Variants in MICU2 observed in about 807,000 individuals in gnomAD.
The protein encoded by MICU2 is calcium uptake protein 2, mitochondrial.
In MICU2, 64 loss-of-function variants were observed where a neutral mutation model predicts 60.4. The observed-to-expected ratio is 1.06, with a 90% CI of 0.87 to 1.31. The LOEUF (loss-of-function observed/expected upper bound fraction) is 1.31. MICU2 is among the 50% of genes most tolerant of loss of function. The pLI, the probability that MICU2 is intolerant of heterozygous loss-of-function variation, is 0.00. For synonymous variants in MICU2, 201 were observed against 175.0 expected (o/e 1.15, Z -1.17); for missense variants, 569 against 531.0 (o/e 1.07, Z -0.70).
At position 21,523,211 on chromosome 13, in the gene MICU2, G is replaced by T. The variant is rs116992408; in HGVS notation, c.467-561C>A. On this transcript the variant is annotated intron_variant, in intron 4 of 11. Coordinates refer to ENST00000382374, the MANE Select transcript of MICU2 (RefSeq NM_152726.3). ...CTGGGTCTACAGCTTGCAGATGGCA[G>T]ATCATGGGACTTCTGTACCTCCATA... Among the ~76,000 whole-genome samples the T allele has an allele frequency of 1.6e-3, 239 of 152,296 alleles. 1 individual carries two copies. The highest frequency in any genetic ancestry group is 6.8e-3 in the Middle Eastern group (2 of 294).
At chr13:21,563,123 T>C (rs1887887786) in intron 2 of MICU2, among the ~76,000 whole-genome samples, 1 of 152,200 alleles carries the variant, frequency 6.6e-6, no homozygotes, top group Admixed American at 6.5e-5. Context: ...TTTTCTTCTT[T>C]GGCTTCTTTC....
At chr13:21,525,644 G>A (rs929263862) in intron 4 of MICU2, among the ~76,000 whole-genome samples, 3 of 151,320 alleles carry the variant, frequency 2.0e-5, no homozygotes, top group Admixed American at 6.6e-5. Flanking sequence ...ATCTCATTGC[G>A]GTTTTGATTT....
At chr13:21,594,105 T>C (rs2138073033) in intron 1 of MICU2, among the ~76,000 whole-genome samples, 1 of 152,184 alleles carries the variant, frequency 6.6e-6, no homozygotes, top group Non-Finnish European at 1.5e-5. Context: ...ACTTACAGAA[T>C]GGGAGAAAAT....
intron 9 of MICU2, 88 bp from the exon 10 acceptor site, chr13:21,496,248 G>A: frequency 1.1e-6 from 1 of 933,870 alleles, no homozygotes; most frequent in Non-Finnish European, 1.6e-6. Flanking sequence ...TTCTACCGTA[G>A]AGACTAGTAT....
At chr13:21,569,369 C>T (rs962953729) in intron 1 of MICU2, among the ~76,000 whole-genome samples, 2 of 152,108 alleles carry the variant, frequency 1.3e-5, no homozygotes, top group African/African-American at 2.4e-5. Flanking sequence ...TAATGTCTCT[C>T]CTTTTCCTAA....
intron 2 of MICU2, among the ~76,000 whole-genome samples, chr13:21,546,288 A>G (rs1887416455): frequency 7.1e-6 from 1 of 141,366 alleles, no homozygotes; most frequent in South Asian, 2.3e-4. Flanking sequence ...TGGAAGGGAT[A>G]AAAAGACTTT....
At chr13:21,541,578 T>C (rs1329831242) in intron 2 of MICU2, among the ~76,000 whole-genome samples, 1 of 152,204 alleles carries the variant, frequency 6.6e-6, no homozygotes, top group African/African-American at 2.4e-5. Flanking sequence ...CAGGTCCCTG[T>C]CTTTTGGATA....
chr13:21,530,591 G>A (rs1365661870), intron 4 of MICU2: 1 of 232,614 alleles, frequency 4.3e-6, no homozygotes, highest in African/African-American at 2.3e-5. Flanking sequence ...TGTGTGTGCA[G>A]GCTGATGAAT....
At chr13:21,569,382 C>T (rs1888055532) in intron 1 of MICU2, among the ~76,000 whole-genome samples, 1 of 152,106 alleles carries the variant, frequency 6.6e-6, no homozygotes, top group Non-Finnish European at 1.5e-5. Flanking sequence ...TTTCCTAATC[C>T]TTTCCACTAC....
chr13:21,512,217 T>C lies in MICU2; in HGVS notation c.664-2116A>G, dbSNP rs542063761. 3.3e-5 allele frequency among the ~76,000 whole-genome samples: 5 copies of C among 152,334 alleles called. No individual in the cohort carries two copies. In the South Asian group the frequency reaches 1.0e-3, roughly 32 times the overall value. On this transcript the variant is annotated intron_variant, in intron 7 of 11. Transcript: ENST00000382374. The stretch of plus-strand genomic sequence containing the variant: ...TGCGCTAATGACTAAAGGTGGTGAA[T>C]ATCCTTTTATGTGCTTGTTTTTGCC...
intron 9 of MICU2, among the ~76,000 whole-genome samples, chr13:21,501,294 G>C (rs1318083892): frequency 6.7e-6 from 1 of 149,612 alleles, no homozygotes; most frequent in Non-Finnish European, 1.5e-5. Flanking sequence ...ACAGAGTCTT[G>C]CTCTGTCACC....
chr13:21,563,268 A>T (rs547043428), intron 2 of MICU2, among the ~76,000 whole-genome samples: 3 of 152,100 alleles, frequency 2.0e-5, no homozygotes, highest in Admixed American at 2.0e-4. Flanking sequence ...ATCCTGGCTA[A>T]CACGGTGAAA....
chr13:21,494,493 C>CTAGT (rs1885941250), intron 11 of MICU2, among the ~76,000 whole-genome samples: 2 of 152,100 alleles, frequency 1.3e-5, no homozygotes, highest in Non-Finnish European at 2.9e-5. Context: ...TAATCTCAGC[C>CTAGT]ACTATACTAA....
intron 1 of MICU2, among the ~76,000 whole-genome samples, chr13:21,589,926 CACCATTG>C (rs1170862000): frequency 2.6e-5 from 4 of 152,212 alleles, no homozygotes; most frequent in African/African-American, 9.7e-5. Flanking sequence ...AGTGTGCGCT[CACCATTG>C]TTCCGTCTGT....
chr13:21,530,968 T>C (rs908401867), intron 4 of MICU2: 2 of 776,570 alleles, frequency 2.6e-6, no homozygotes, highest in Admixed American at 1.7e-5. Flanking sequence ...CAGTGACAAA[T>C]ATACACTCTG....
rs182858802 is a variant in MICU2 at position 21,590,599 on chromosome 13, G to A, written c.210+13340C>T. On this transcript the variant is annotated intron_variant, in intron 1 of 11. Transcript: ENST00000382374. The stretch of plus-strand genomic sequence containing the variant: ...AAAGGTTAGAAAATAAGAATTGGTC[G>A]GGCGTGGTGGCTCACGCCTGTAATC... Among the ~76,000 whole-genome samples, 47 of 152,294 alleles carry A rather than the reference G, an allele frequency of 3.1e-4. No homozygotes were observed. The Middle Eastern group carries it at 0.014, about 44-fold the overall frequency.
At chr13:21,497,644 A>C (rs1274474047) in intron 9 of MICU2, among the ~76,000 whole-genome samples, 1 of 152,050 alleles carries the variant, frequency 6.6e-6, no homozygotes, top group Non-Finnish European at 1.5e-5. Flanking sequence ...CAGGAGTTTG[A>C]GGTTATAGTG....
chr13:21,494,957 TTTC>T (rs1885955692), intron 11 of MICU2, among the ~76,000 whole-genome samples: 1 of 152,184 alleles, frequency 6.6e-6, no homozygotes, highest in Non-Finnish European at 1.5e-5. Flanking sequence ...TAAATAGTGA[TTTC>T]TTATTAGATT....
At chr13:21,562,498 ATAACT>A (rs1887871655) in intron 2 of MICU2, among the ~76,000 whole-genome samples, 1 of 152,116 alleles carries the variant, frequency 6.6e-6, no homozygotes, top group African/African-American at 2.4e-5. Flanking sequence ...AGTATTTTAC[ATAACT>A]TAATTTTCTC....
Sources: gnomAD v4.1 joint callset for allele counts (sites outside exome capture counted in the v4.1 genomes callset) on GRCh38, gnomAD v4.1.1 for gene constraint, MANE v1.5 for transcripts, NCBI Gene and HGNC (gene_info 2026-07-23, HGNC 2026-07-21) for gene names.